The following PHF24 variants were observed in gnomAD, a reference collection of about 807,000 sequenced individuals.
PHF24 encodes the protein Galpha inhibitory interacting protein.
PHF24 carries 25 observed loss-of-function variants against 42.6 expected under a neutral mutation model. The observed-to-expected ratio is 0.59, with a 90% CI of 0.43 to 0.82. PHF24 has a LOEUF of 0.82. Among genes scored for constraint, PHF24 ranks in the 40% least tolerant of loss-of-function variants. The pLI is 0.00. For missense variants in PHF24, 470 were observed against 538.1 expected (o/e 0.87, Z 1.25); for synonymous variants, 185 against 204.8 (o/e 0.90, Z 0.83).
the PHF24 span, among the ~76,000 whole-genome samples, chr9:34,910,463 C>T: frequency 3.9e-5 from 6 of 152,188 alleles, no homozygotes; most frequent in African/African-American, 1.4e-4. Flanking sequence ...GTTCTCGCTA[C>T]ATACATACAA....
At chr9:34,824,834 G>T in the PHF24 span, among the ~76,000 whole-genome samples, 1 of 152,196 alleles carries the variant, frequency 6.6e-6, no homozygotes, top group Non-Finnish European at 1.5e-5. Flanking sequence ...GCATTAAGCT[G>T]CTGGGGAGAG....
chr9:34,705,574 C>G, the PHF24 span, among the ~76,000 whole-genome samples: 1 of 152,210 alleles, frequency 6.6e-6, no homozygotes, highest in Non-Finnish European at 1.5e-5. Context: ...AGCCACTGCG[C>G]CTGGCCTTGC....
the PHF24 span, among the ~76,000 whole-genome samples, chr9:34,675,416 C>T: frequency 2.0e-5 from 3 of 152,182 alleles, no homozygotes; most frequent in Non-Finnish European, 4.4e-5. Context: ...CCAAATTACT[C>T]AACTTCTGAA....
chr9:34,972,807 G>A (rs1458721428), intron 3 of PHF24, among the ~76,000 whole-genome samples: 7 of 151,996 alleles, frequency 4.6e-5, no homozygotes, highest in South Asian at 2.1e-4. Context: ...CCAGCTACTC[G>A]GGAGGCTGAG....
At chr9:34,668,892 ATTG>A in the PHF24 span, among the ~76,000 whole-genome samples, 84,214 of 151,270 alleles carry the variant, frequency 0.56, 23,761 homozygotes, top group East Asian at 0.8. Context: ...CTTCTGCCCT[ATTG>A]TTTATGCAAA....
chr9:34,936,771 G>A, the PHF24 span, among the ~76,000 whole-genome samples: 1 of 150,430 alleles, frequency 6.6e-6, no homozygotes, highest in African/African-American at 2.5e-5. Context: ...ACCCCGTCTG[G>A]GAGGTGAGGA....
chr9:34,806,431 CTGT>C, the PHF24 span, among the ~76,000 whole-genome samples: 351 of 152,054 alleles, frequency 2.3e-3, 2 homozygotes, highest in African/African-American at 8.2e-3. Flanking sequence ...TTTGTTGTTG[CTGT>C]TGTTGTTGTT....
the PHF24 span, among the ~76,000 whole-genome samples, chr9:34,732,496 T>C: frequency 2.0e-5 from 3 of 152,322 alleles, no homozygotes; most frequent in East Asian, 5.8e-4. Flanking sequence ...TTGAGCTCCT[T>C]ATATGTTCTG....
At chr9:34,884,699 C>T in the PHF24 span, among the ~76,000 whole-genome samples, 1 of 152,194 alleles carries the variant, frequency 6.6e-6, no homozygotes. Context: ...GGATCTCCAA[C>T]AAGATGGAAT....
At chr9:34,897,696 G>A in the PHF24 span, among the ~76,000 whole-genome samples, 1 of 152,070 alleles carries the variant, frequency 6.6e-6, no homozygotes, top group Non-Finnish European at 1.5e-5. Context: ...ATTTCCATAG[G>A]TTATTAGGGA....
chr9:34,689,512 C>A, the PHF24 span: 2 of 297,026 alleles, frequency 6.7e-6, no homozygotes, highest in South Asian at 1.1e-4. The surrounding 1 kb of genome is among the most constrained non-coding windows in gnomAD (Gnocchi z 4.1). Context: ...TTTTTTAAGG[C>A]TAGTTAAGCA....
At chr9:34,715,066 G>C in the PHF24 span, among the ~76,000 whole-genome samples, 1 of 152,210 alleles carries the variant, frequency 6.6e-6, no homozygotes, top group Admixed American at 6.5e-5. Flanking sequence ...ATTGAGGTCT[G>C]TCTGCTTGGT....
At chr9:34,870,793 G>T in the PHF24 span, among the ~76,000 whole-genome samples, 1 of 152,006 alleles carries the variant, frequency 6.6e-6, no homozygotes, top group African/African-American at 2.4e-5. Flanking sequence ...TTCATACCTC[G>T]TTTCTTTTTA....
At chr9:34,907,952 C>G in the PHF24 span, among the ~76,000 whole-genome samples, 1 of 152,124 alleles carries the variant, frequency 6.6e-6, no homozygotes, top group South Asian at 2.1e-4. Flanking sequence ...AAGCAATTCT[C>G]CTGCCTCAGC....
chr9:34,833,216 G>A, the PHF24 span: 3 of 1,543,408 alleles, frequency 1.9e-6, no homozygotes, highest in Admixed American at 2.0e-5. Context: ...AGGGCTTTGA[G>A]GCTCAGGGCC....
chr9:34,739,427 A>G, the PHF24 span, among the ~76,000 whole-genome samples: 1 of 152,212 alleles, frequency 6.6e-6, no homozygotes, highest in Non-Finnish European at 1.5e-5. Flanking sequence ...AGATAAACTC[A>G]TATATTTCCA....
the PHF24 span, among the ~76,000 whole-genome samples, chr9:34,794,360 T>C: frequency 1.3e-5 from 2 of 152,178 alleles, no homozygotes; most frequent in Non-Finnish European, 1.5e-5. Context: ...ATTAACGTTA[T>C]CTATAGGATT....
the PHF24 span, among the ~76,000 whole-genome samples, chr9:34,751,717 A>G: frequency 6.6e-6 from 1 of 152,254 alleles, no homozygotes; most frequent in African/African-American, 2.4e-5. Context: ...ATGGATATTT[A>G]TAGAACATTT....
the PHF24 span, among the ~76,000 whole-genome samples, chr9:34,703,228 G>A: frequency 3.9e-5 from 6 of 151,930 alleles, no homozygotes; most frequent in East Asian, 1.9e-4. Context: ...AGGCTGGAGC[G>A]CAATGGTGTG....
Sources: gnomAD v4.1 joint callset for allele counts (sites outside exome capture counted in the v4.1 genomes callset) on GRCh38, gnomAD v4.1.1 for gene constraint, Gnocchi (gnomAD v3.1) non-coding constraint, MANE v1.5 for transcripts, NCBI Gene and HGNC (gene_info 2026-07-23, HGNC 2026-07-21) for gene names.